PCBP3: variants seen among roughly 807,000 people sequenced by gnomAD.
The protein encoded by PCBP3 is poly(rC) binding protein 3.
In PCBP3, 25 loss-of-function variants were observed where a neutral mutation model predicts 52.7. The ratio of observed to expected loss-of-function variants is 0.47; its 90% CI spans 0.35 to 0.66. The LOEUF is 0.66. Among genes scored for constraint, PCBP3 ranks in the 30% least tolerant of loss-of-function variants. PCBP3 has a pLI of 0.01. For missense variants in PCBP3, 391 were observed against 490.3 expected (o/e 0.80, Z 1.91); for synonymous variants, 162 against 183.0 (o/e 0.89, Z 0.93).
At chr21:45,743,413 G>A (rs571351767) in intron 3 of PCBP3, among the ~76,000 whole-genome samples, 5 of 152,070 alleles carry the variant, frequency 3.3e-5, no homozygotes, top group South Asian at 2.1e-4. Flanking sequence ...ATTAAGTTAC[G>A]TGTTTTTTAA....
intron 2 of PCBP3, among the ~76,000 whole-genome samples, chr21:45,707,449 G>T (rs1236511698): frequency 6.6e-6 from 1 of 152,198 alleles, no homozygotes; most frequent in Non-Finnish European, 1.5e-5. Context: ...CTGGGAAGCA[G>T]AGGTTGCAGT....
intron 5 of PCBP3, among the ~76,000 whole-genome samples, chr21:45,868,734 A>G (rs1006678438): frequency 6.6e-6 from 1 of 152,142 alleles, no homozygotes; most frequent in Non-Finnish European, 1.5e-5. Context: ...ACTGCAGCCC[A>G]CAGCACTGGG....
At chr21:45,816,931 G>T (rs1240539743) in intron 4 of PCBP3, among the ~76,000 whole-genome samples, 2 of 152,054 alleles carry the variant, frequency 1.3e-5, no homozygotes, top group African/African-American at 4.8e-5. Context: ...ATCACCACAG[G>T]CGTGGGGGGA....
chr21:45,780,361 G>T (rs368057909), intron 4 of PCBP3, among the ~76,000 whole-genome samples: 2 of 152,202 alleles, frequency 1.3e-5, no homozygotes, highest in South Asian at 4.1e-4. Flanking sequence ...CTGGAAAGAG[G>T]TTATAAATTC....
intron 5 of PCBP3, among the ~76,000 whole-genome samples, chr21:45,879,562 A>G (rs1287483144): frequency 6.6e-6 from 1 of 152,228 alleles, no homozygotes; most frequent in Non-Finnish European, 1.5e-5. Flanking sequence ...GTCATATTCC[A>G]TGTAAAAAAC....
chr21:45,867,787 C>T (rs1167668476), intron 5 of PCBP3, among the ~76,000 whole-genome samples: 1 of 152,286 alleles, frequency 6.6e-6, no homozygotes, highest in East Asian at 1.9e-4. Context: ...CGTCTTCCTT[C>T]CTCAGCCCCA....
rs190802269 is a variant in PCBP3 at position 45,743,163 on chromosome 21, A to T, written c.-162+7734A>T. Among the ~76,000 whole-genome samples the T allele has an allele frequency of 2.1e-3, 313 of 152,192 alleles. 1 individual carries two copies. Among genetic ancestry groups the T allele is most frequent in the African/African-American group, 7.2e-3 (301 of 41,542 alleles). ...TCCAACTAATTTGTGTTATTTGGTT[A>T]TTGTAATTGGGATTTTTCCCATTGC... On this transcript the variant is annotated intron_variant, in intron 3 of 17. Transcript: ENST00000681687.
At chr21:45,894,161 C>A in intron 5 of PCBP3, 1 of 352,194 alleles carries the variant, frequency 2.8e-6, no homozygotes, top group Non-Finnish European at 4.0e-6. Flanking sequence ...ACCCGCACGG[C>A]ACAGGATGGC....
At chr21:45,835,216 G>C (rs2093554993) in intron 4 of PCBP3, among the ~76,000 whole-genome samples, 1 of 152,118 alleles carries the variant, frequency 6.6e-6, no homozygotes, top group Non-Finnish European at 1.5e-5. Flanking sequence ...CCCGGGGGCG[G>C]GGCCTACACA....
chr21:45,867,982 G>T (rs2094817050), intron 5 of PCBP3, among the ~76,000 whole-genome samples: 2 of 152,274 alleles, frequency 1.3e-5, no homozygotes, highest in South Asian at 4.1e-4. Context: ...AAAGGCGCAA[G>T]CCAGATGGTG....
intron 4 of PCBP3, among the ~76,000 whole-genome samples, chr21:45,804,703 C>T (rs1200817522): frequency 6.6e-6 from 1 of 152,084 alleles, no homozygotes; most frequent in Non-Finnish European, 1.5e-5. Flanking sequence ...CAGTGACTTT[C>T]AGGAGTCACT....
chr21:45,784,453 CCTCCTA>C, intron 4 of PCBP3, among the ~76,000 whole-genome samples: 1 of 151,594 alleles, frequency 6.6e-6, no homozygotes, highest in Admixed American at 6.6e-5. Context: ...CTACCTCCTA[CCTCCTA>C]CCTCCTACCT....
chr21:45,940,115 C>T lies in PCBP3; in HGVS notation c.995C>T (p.Ala332Val), dbSNP rs781452050. 27 of 1,614,030 alleles carry T rather than the reference C, an allele frequency of 1.7e-5. No individual in the cohort carries two copies. Among genetic ancestry groups the T allele is most frequent in the Non-Finnish European group, 2.3e-5 (27 of 1,179,998 alleles). Reference sequence around the variant, plus strand: ...GGAGCTCAGATCAAAATCGCCAACGCCACGGAAGGGTCCTCAGAGCGTCAG... The same window carrying T: ...GGAGCTCAGATCAAAATCGCCAACGTCACGGAAGGGTCCTCAGAGCGTCAG... ...MSGAQIKIANATEGSSERQIT... is the reference protein window; with the variant it reads ...MSGAQIKIANVTEGSSERQIT... Residue 332 changes from alanine to valine, a missense_variant, in exon 17 of 18, where the codon GCC becomes GTC. By Grantham distance (64) the Ala-to-Val change is moderately conservative. Coordinates refer to ENST00000681687, the MANE Select transcript of PCBP3 (RefSeq NM_001384156.1).
In PCBP3 at chr21:45,736,522, G is replaced by A. The variant is rs1236800886; in HGVS notation, c.-162+1093G>A. ...GAGATGTCAGCTGCAGCAGGGCAGC[G>A]CCCTGGTTAGAGAGACGGCATGGGG... On this transcript the variant is annotated intron_variant, in intron 3 of 17. Coordinates refer to ENST00000681687, the MANE Select transcript of PCBP3 (RefSeq NM_001384156.1). This position sits in a 1 kb window ranked among gnomAD's most constrained non-coding sequence, Gnocchi z 4.6. Among the ~76,000 whole-genome samples the A allele has an allele frequency of 2.6e-5, 4 of 152,112 alleles. No homozygotes were observed. Among genetic ancestry groups the A allele is most frequent in the Admixed American group, 6.5e-5 (1 of 15,272 alleles).
intron 4 of PCBP3, among the ~76,000 whole-genome samples, chr21:45,811,050 G>A (rs1332167268): frequency 6.6e-6 from 1 of 151,932 alleles, no homozygotes; most frequent in South Asian, 2.1e-4. Flanking sequence ...TTTTCTCTTG[G>A]TCTAGGTGTT....
At chr21:45,833,768 G>T (rs1767518699) in intron 4 of PCBP3, among the ~76,000 whole-genome samples, 1 of 152,116 alleles carries the variant, frequency 6.6e-6, no homozygotes, top group Non-Finnish European at 1.5e-5. Context: ...ACCACAGGTG[G>T]CTGCTGTGGC....
chr21:45,925,833 A>G lies in PCBP3; in HGVS notation c.718-4084A>G, dbSNP rs191635795. Among the ~76,000 whole-genome samples, 19 of 152,352 alleles carry G rather than the reference A, an allele frequency of 1.2e-4. No homozygotes were observed. The East Asian group carries it at 3.1e-3, about 25-fold the overall frequency. Reference sequence around the variant, plus strand: ...AAAATATATTTTAAAAATTGACAAAACATAGATAATTTGACAGACATTATA... The same window carrying G: ...AAAATATATTTTAAAAATTGACAAAGCATAGATAATTTGACAGACATTATA... On this transcript the variant is annotated intron_variant, in intron 13 of 17. Transcript: ENST00000681687.
chr21:45,753,804 C>T lies in PCBP3; in HGVS notation c.-161-1613C>T, dbSNP rs866806259. On this transcript the variant is annotated intron_variant, in intron 3 of 17. Coordinates refer to ENST00000681687, the MANE Select transcript of PCBP3 (RefSeq NM_001384156.1). ...GAGAATGAAGGAGTCTCACAGTGCT[C>T]ACCTCTGATTATTCTCTCCTGACTT... Among the ~76,000 whole-genome samples the T allele has an allele frequency of 4.6e-5, 7 of 152,282 alleles. No homozygotes were observed. The Middle Eastern group carries it at 0.014, about 296-fold the overall frequency.
In PCBP3 at chr21:45,791,678, A is replaced by G. The variant is rs544675938; in HGVS notation, c.-126+36226A>G. 6.6e-6 allele frequency among the ~76,000 whole-genome samples: 1 copy of G among 152,364 alleles called. No homozygotes were observed. The highest frequency in any genetic ancestry group is 2.1e-4 in the South Asian group (1 of 4,830). On this transcript the variant is annotated intron_variant, in intron 4 of 17. Coordinates refer to ENST00000681687, the MANE Select transcript of PCBP3 (RefSeq NM_001384156.1). The surrounding 1 kb of genome is among the most constrained non-coding windows in gnomAD (Gnocchi z 4.2). ...TGTCGAAGTAGAATACAACTAAGAA[A>G]AAATTTTAAAATACAACTACCTCTT... is the stretch of plus-strand genomic sequence containing the variant.
Sources: allele counts gnomAD v4.1 joint callset (sites outside exome capture counted in the v4.1 genomes callset), GRCh38; gene constraint gnomAD v4.1.1; non-coding constraint Gnocchi (gnomAD v3.1); transcripts MANE v1.5; gene names NCBI Gene and HGNC (gene_info 2026-07-23, HGNC 2026-07-21).